SPECC1: variants seen among roughly 807,000 people sequenced by gnomAD.
The protein encoded by SPECC1 is sperm antigen with calponin homology and coiled-coil domains 1.
Under a neutral mutation model 104.1 loss-of-function variants are expected in SPECC1, and 62 were observed. That is an observed-to-expected ratio of 0.60 (90% confidence interval 0.49 to 0.74). The LOEUF is 0.74. Among genes scored for constraint, SPECC1 ranks in the 30% least tolerant of loss-of-function variants. SPECC1 has a pLI of 0.00. For synonymous variants in SPECC1, 513 were observed against 501.6 expected, an observed-to-expected ratio of 1.02 and a Z score of -0.30; for missense variants, 1,306 against 1,310.5, an observed-to-expected ratio of 1.00 and a Z score of 0.05.
chr17:20,131,943 C>G (rs553775603), intron 3 of SPECC1, among the ~76,000 whole-genome samples: 1 of 152,310 alleles, frequency 6.6e-6, no homozygotes, highest in South Asian at 2.1e-4. Flanking sequence ...TGAGCCACTG[C>G]ATCCGGCCAA....
intron 1 of SPECC1, among the ~76,000 whole-genome samples, chr17:20,043,109 G>A (rs1597605872): frequency 6.6e-6 from 1 of 152,198 alleles, no homozygotes; most frequent in Non-Finnish European, 1.5e-5. Context: ...GTTGTCTGGT[G>A]GAGCGTCTCA....
At chr17:20,135,343 C>T (rs920527029) in intron 3 of SPECC1, among the ~76,000 whole-genome samples, 2 of 152,126 alleles carry the variant, frequency 1.3e-5, no homozygotes, top group Non-Finnish European at 2.9e-5. Flanking sequence ...TTAGATGGGA[C>T]GTTTATCCTT....
chr17:20,125,987 G>A (rs549842899), intron 3 of SPECC1, among the ~76,000 whole-genome samples: 38 of 152,302 alleles, frequency 2.5e-4, no homozygotes, highest in African/African-American at 9.1e-4. Flanking sequence ...GGCACAAGGT[G>A]CAGTGCTGGT....
Position 20,204,633 on chromosome 17 carries a change from A to G in SPECC1, c.584A>G (p.Lys195Arg), listed in dbSNP as rs772492860. ...CTTCGAAGTGAACTAAAGAAATACA[A>G]AGAGAAAAGGACTCTGAACGCTGAG... ...NRLRSELKKY[K>R]EKRTLNAEGT... is the part of the protein sequence containing the mutation. The change falls in exon 4 of 15, where the codon AAA becomes AGA. Residue 195 changes from lysine to arginine, a missense_variant. Physicochemically the swap from Lys to Arg is conservative, Grantham distance 26. Transcript: ENST00000395527. The G allele has an allele frequency of 6.2e-7, 1 of 1,614,000 alleles. No homozygotes were observed. Among genetic ancestry groups the G allele is most frequent in the Non-Finnish European group, 8.5e-7 (1 of 1,180,032 alleles).
intron 3 of SPECC1, among the ~76,000 whole-genome samples, chr17:20,165,218 G>GC (rs11386955): frequency 0.25 from 38,362 of 151,548 alleles, 6,216 homozygotes; most frequent in African/African-American, 0.46. Flanking sequence ...GCCCTGACAG[G>GC]CCCCAGTGTG....
intron 1 of SPECC1, among the ~76,000 whole-genome samples, chr17:20,069,433 T>C (rs896588491): frequency 3.3e-5 from 5 of 152,216 alleles, no homozygotes; most frequent in Admixed American, 3.3e-4. Context: ...TACTGTCTAA[T>C]ATAGTCATGA....
chr17:20,055,544 G>T (rs1344331869), intron 1 of SPECC1, among the ~76,000 whole-genome samples: 1 of 152,170 alleles, frequency 6.6e-6, no homozygotes, highest in Non-Finnish European at 1.5e-5. Flanking sequence ...TAAGTCTCTA[G>T]CAACTAATGG....
intron 3 of SPECC1, among the ~76,000 whole-genome samples, chr17:20,128,026 A>G (rs1192299502): frequency 3.9e-5 from 6 of 152,236 alleles, no homozygotes; most frequent in Admixed American, 1.3e-4. Flanking sequence ...GAAAAAAATC[A>G]ATATAATGCT....
Position 20,023,017 on chromosome 17 carries a change from A to G in SPECC1, c.-22+13593A>G, listed in dbSNP as rs181660224. ...TGGATCGGCTCATTCCTTTTTGCCAAAAAAAACCAAACAAACCCAAAAAAC... is the reference window on the plus strand; with the variant it reads ...TGGATCGGCTCATTCCTTTTTGCCAGAAAAAACCAAACAAACCCAAAAAAC... On this transcript the variant is annotated intron_variant, in intron 1 of 14. Transcript: ENST00000395527. Among the ~76,000 whole-genome samples the G allele has an allele frequency of 1.1e-3, 167 of 152,280 alleles. 1 individual carries two copies. Among genetic ancestry groups the G allele is most frequent in the African/African-American group, 3.9e-3 (161 of 41,586 alleles).
chr17:20,067,867 T>C (rs1014356856), intron 1 of SPECC1, among the ~76,000 whole-genome samples: 1 of 152,126 alleles, frequency 6.6e-6, no homozygotes, highest in African/African-American at 2.4e-5. Flanking sequence ...CACCCTTCCA[T>C]CGCTCCTTCC....
intron 1 of SPECC1, among the ~76,000 whole-genome samples, chr17:20,083,201 C>T (rs1356203314): frequency 6.6e-6 from 1 of 152,206 alleles, no homozygotes; most frequent in Non-Finnish European, 1.5e-5. Flanking sequence ...GCAGCAGGCA[C>T]AGCAGAAGGG....
chr17:20,067,185 T>C (rs1313013941), intron 1 of SPECC1: 1 of 152,102 alleles, frequency 6.6e-6, no homozygotes, highest in African/African-American at 2.4e-5. Context: ...TTTTTTCTTT[T>C]TTTTGGAGAT....
intron 3 of SPECC1, among the ~76,000 whole-genome samples, chr17:20,179,955 A>G (rs1324949974): frequency 3.9e-5 from 6 of 152,194 alleles, no homozygotes; most frequent in African/African-American, 1.2e-4. Context: ...CATCTCAGCA[A>G]AATCCTGAAC....
intron 1 of SPECC1, among the ~76,000 whole-genome samples, chr17:20,081,063 C>T (rs1312502528): frequency 6.6e-6 from 1 of 152,190 alleles, no homozygotes; most frequent in Non-Finnish European, 1.5e-5. Flanking sequence ...GTTCATGCTT[C>T]TTATCCTGGA....
At position 20,231,707 on chromosome 17, in the gene SPECC1, CT is replaced by C. The variant is rs756638047; in HGVS notation, c.2072-49del. The stretch of plus-strand genomic sequence containing the variant: ...TTCTTTGCTACCTAGCGTGTCTTCT[CT>C]TAAGAGTCTCACAGCTTTTCTAAGC... On this transcript the variant is annotated intron_variant, in intron 5 of 14. Coordinates refer to ENST00000395527, the MANE Select transcript of SPECC1 (RefSeq NM_001243439.2). 3.2e-6 allele frequency: 5 copies of C among 1,570,882 alleles called. No homozygotes were observed. The South Asian group carries it at 5.6e-5, about 17-fold the overall frequency.
At chr17:20,182,753 G>C (rs771941406) in intron 3 of SPECC1, among the ~76,000 whole-genome samples, 17 of 152,200 alleles carry the variant, frequency 1.1e-4, no homozygotes, top group Non-Finnish European at 4.4e-5. Context: ...TTAGAGGATA[G>C]AGGAAAGGGG....
intron 1 of SPECC1, among the ~76,000 whole-genome samples, chr17:20,074,636 C>T (rs2046685832): frequency 6.6e-6 from 1 of 152,110 alleles, no homozygotes; most frequent in Admixed American, 6.5e-5. Context: ...CTGCAGAACT[C>T]ACTGGTGTGG....
In SPECC1 at chr17:20,312,669, A is replaced by G. The variant is rs1222884712; in HGVS notation, c.3118-1307A>G. Among the ~76,000 whole-genome samples, 4 of 152,344 alleles carry G rather than the reference A, an allele frequency of 2.6e-5. No homozygotes were observed. In the East Asian group the frequency reaches 7.7e-4, roughly 29 times the overall value. On this transcript the variant is annotated intron_variant, in intron 14 of 14. Coordinates refer to ENST00000395527, the MANE Select transcript of SPECC1 (RefSeq NM_001243439.2). ...GCCAGGCCTCAGTCTGTGTGCAGTC[A>G]TGACTACAGCCAGTGTAGGTAGAAG... is the stretch of plus-strand genomic sequence containing the variant.
intron 3 of SPECC1, among the ~76,000 whole-genome samples, chr17:20,196,270 T>G (rs778991397): frequency 6.6e-6 from 1 of 152,252 alleles, no homozygotes; most frequent in Non-Finnish European, 1.5e-5. Context: ...AATGTTAACT[T>G]TTAGCAACTT....
Sources: allele counts gnomAD v4.1 joint callset (sites outside exome capture counted in the v4.1 genomes callset), GRCh38; gene constraint gnomAD v4.1.1; transcripts MANE v1.5; gene names NCBI Gene and HGNC (gene_info 2026-07-23, HGNC 2026-07-21).